Variants in HDGFL2 observed in about 807,000 individuals in gnomAD.
The protein encoded by HDGFL2 is hepatoma-derived growth factor-related protein 2.
Under a neutral mutation model 77.1 loss-of-function variants are expected in HDGFL2, and 36 were observed. That is an observed-to-expected ratio of 0.47 (90% confidence interval 0.36 to 0.62). HDGFL2 has a LOEUF of 0.62. Among genes scored for constraint, HDGFL2 ranks in the 20% least tolerant of loss-of-function variants. HDGFL2 has a pLI of 0.00. For synonymous variants in HDGFL2, 463 were observed against 413.1 expected (o/e 1.12, Z -1.46); for missense variants, 976 against 973.4 (o/e 1.00, Z -0.04).
At chr19:4,491,737 C>CA in intron 5 of HDGFL2, 27 bp from the exon 6 acceptor site, 1 of 1,613,686 alleles carries the variant, frequency 6.2e-7, no homozygotes, top group East Asian at 2.2e-5. Flanking sequence ...CCAGTGGGCC[C>CA]CAGTTCAGCT....
At position 4,472,927 on chromosome 19, in the gene HDGFL2, C is replaced by T. The variant is rs543761434; in HGVS notation, c.72+505C>T. ...GGGGGCCCTGGGCCTCAGGGGGCCG[C>T]GCCTAGGGGTTCTGAGGGTGTCTGC... is the stretch of plus-strand genomic sequence containing the variant. On this transcript the variant is annotated intron_variant, in intron 1 of 15. Transcript: ENST00000616600. Among the ~76,000 whole-genome samples the T allele has an allele frequency of 3.9e-3, 579 of 148,772 alleles. 5 individuals carry two copies. Among genetic ancestry groups the T allele is most frequent in the Middle Eastern group, 7.0e-3 (2 of 284 alleles).
intron 3 of HDGFL2, among the ~76,000 whole-genome samples, chr19:4,483,904 C>T (rs1476648523): frequency 6.6e-6 from 1 of 151,136 alleles, no homozygotes; most frequent in African/African-American, 2.4e-5. Context: ...ATTCTCCTGC[C>T]TCAGCCTCCT....
Position 4,501,195 on chromosome 19 carries a change from C to G in HDGFL2, c.1794C>G (p.Leu598=), listed in dbSNP as rs1305036397. 6.2e-7 allele frequency: 1 copy of G among 1,613,330 alleles called. No individual in the cohort carries two copies. Among genetic ancestry groups the G allele is most frequent in the Non-Finnish European group, 8.5e-7 (1 of 1,179,896 alleles). The change falls in exon 15 of 16, where the codon CTC becomes CTG. Residue 598 remains leucine (L), a synonymous_variant. Coordinates refer to ENST00000616600, the MANE Select transcript of HDGFL2 (RefSeq NM_001001520.3). ...EKAEDKPSTD[L]SAPVNGEATS... is the part of the protein sequence containing the mutation. ...TGACCCCTCTGTCCCACCCAGATCT[C>G]TCAGCCCCAGTGAATGGCGAGGCCA...
intron 10 of HDGFL2, chr19:4,497,647 CT>C: frequency 9.2e-6 from 4 of 435,500 alleles, no homozygotes; most frequent in Admixed American, 4.0e-5. Context: ...CCTTGAGGGC[CT>C]TTTCCTAGCT....
At position 4,499,657 on chromosome 19, in the gene HDGFL2, C is replaced by T; in HGVS notation, c.1742C>T (p.Ala581Val). 1.9e-6 allele frequency: 3 copies of T among 1,578,298 alleles called. No homozygotes were observed. The highest frequency in any genetic ancestry group is 1.1e-5 in the South Asian group (1 of 87,010). The change falls in exon 14 of 16, where the codon GCC (alanine) becomes GTC (valine). Residue 581 changes from alanine (A) to valine (V), a missense_variant. Physicochemically the swap from Ala to Val is moderately conservative, Grantham distance 64 (BLOSUM62 0). Transcript: ENST00000616600. ...AEEKLAGEEL[A>V]GEEAPQEKAE... is the part of the protein sequence containing the mutation. Reference sequence around the variant, plus strand: ...GAGAAGCTGGCCGGGGAGGAGCTGGCCGGGGAGGAGGCCCCCCAGGAGAAG... The same window carrying T: ...GAGAAGCTGGCCGGGGAGGAGCTGGTCGGGGAGGAGGCCCCCCAGGAGAAG...
Position 4,499,687 on chromosome 19 carries a change from A to G in HDGFL2, c.1772A>G (p.Glu591Gly). 6.8e-7 allele frequency: 1 copy of G among 1,465,794 alleles called. No homozygotes were observed. Among genetic ancestry groups the G allele is most frequent in the Non-Finnish European group, 9.2e-7 (1 of 1,081,484 alleles). 90.8% of individuals were successfully genotyped at this position (1,465,794 alleles called of 1,614,324 possible). The change falls in exon 14 of 16, where the codon GAG becomes GGG. Residue 591 changes from glutamate to glycine, a missense_variant. Coordinates refer to ENST00000616600, the MANE Select transcript of HDGFL2 (RefSeq NM_001001520.3). ...GAGGAGGCCCCCCAGGAGAAGGCGGAGGACAAGCCCAGCACCGGTGAGGGG... is the reference window on the plus strand; with the variant it reads ...GAGGAGGCCCCCCAGGAGAAGGCGGGGGACAAGCCCAGCACCGGTGAGGGG... ...AGEEAPQEKA[E>G]DKPSTDLSAP...
At chr19:4,488,552 C>T (rs1473608229) in intron 3 of HDGFL2, 124 bp from the exon 4 acceptor site, 13 of 866,290 alleles carry the variant, frequency 1.5e-5, no homozygotes, top group Non-Finnish European at 1.9e-5. Context: ...TTTGTAAAGC[C>T]AGGAGACAAC....
In HDGFL2 at chr19:4,496,343, G is replaced by A. The variant is rs1488098433; in HGVS notation, c.1266G>A (p.Glu422=). 6.2e-7 allele frequency: 1 copy of A among 1,614,150 alleles called. No individual in the cohort carries two copies. Among genetic ancestry groups the A allele is most frequent in the Admixed American group, 1.7e-5 (1 of 60,026 alleles). The change falls in exon 10 of 16, where the codon GAG becomes GAA. Residue 422 remains glutamate, a synonymous_variant. Transcript: ENST00000616600. ...SAKKPQSSST[E]PARKPGQKEK... Reference sequence around the variant, plus strand: ...AGAAGCCGCAGTCCTCAAGCACAGAGCCCGCCAGGAAACCTGGCCAGAAGG... The same window carrying A: ...AGAAGCCGCAGTCCTCAAGCACAGAACCCGCCAGGAAACCTGGCCAGAAGG...
chr19:4,499,789 T>G (rs931611084), intron 14 of HDGFL2, 85 bp downstream of exon 14: 193 of 1,086,272 alleles, frequency 1.8e-4, no homozygotes, highest in Non-Finnish European at 2.3e-4. Context: ...AGAAGGGGAG[T>G]ACAGCTCTAC....
Position 4,502,022 on chromosome 19 carries a change from C to G in HDGFL2, c.*12C>G. 5 of 1,513,436 alleles carry G rather than the reference C, an allele frequency of 3.3e-6. No individual in the cohort carries two copies. Among genetic ancestry groups the G allele is most frequent in the Non-Finnish European group, 4.4e-6 (5 of 1,134,562 alleles). The allele number at this position is 1,513,436 out of a possible 1,614,324, so 93.8% of individuals were successfully genotyped here. ...ACGAGGAGAGCTGAGCCGCGGGCAG[C>G]CAGGCCCAGCCCCCGCCCGAGCTCA... On this transcript the variant is annotated 3_prime_UTR_variant, in exon 16 of 16. Transcript: ENST00000616600.
rs745799781 is a variant in HDGFL2 at position 4,494,173 on chromosome 19, G to A, written c.922G>A (p.Asp308Asn). ...CGCCCCCTCCGCCTCCAGTGACAGC[G>A]ACGAGGTGGACCGCATCAGTGAGTG... ...PSSSSSDSDSDEVDRISEWKR... is the reference protein window; with the variant it reads ...PSSSSSDSDSNEVDRISEWKR... The change falls in exon 9 of 16, where the codon GAC becomes AAC. Residue 308 changes from aspartate (D) to asparagine (N), a missense_variant. Asp to Asn is a conservative substitution (Grantham distance 23). This residue lies in a region of HDGFL2 where 567 missense variants were observed against 534.7 expected (regional missense o/e 1.06). Coordinates refer to ENST00000616600, the MANE Select transcript of HDGFL2 (RefSeq NM_001001520.3). The A allele has an allele frequency of 2.7e-6, 4 of 1,493,884 alleles. No individual in the cohort carries two copies. In the African/African-American group the frequency reaches 4.3e-5, roughly 16 times the overall value. The allele number at this position is 1,493,884 out of a possible 1,614,324, so 92.5% of individuals were successfully genotyped here.
intron 4 of HDGFL2, among the ~76,000 whole-genome samples, chr19:4,489,544 C>T (rs1185021966): frequency 2.6e-5 from 4 of 152,062 alleles, no homozygotes; most frequent in Non-Finnish European, 4.4e-5. Context: ...GCTGAGATTA[C>T]AGGCATCCAC....
intron 3 of HDGFL2, 68 bp downstream of exon 3, chr19:4,475,651 G>A: frequency 6.6e-7 from 1 of 1,508,974 alleles, no homozygotes; most frequent in Non-Finnish European, 8.8e-7. Context: ...TCCAGTTAGG[G>A]TCTCTCCCCT....
chr19:4,495,600 G>C (rs1004911303), intron 9 of HDGFL2, among the ~76,000 whole-genome samples: 3 of 151,644 alleles, frequency 2.0e-5, no homozygotes, highest in Admixed American at 1.3e-4. Context: ...GGAACGGACA[G>C]AGCAGGCCGG....
intron 11 of HDGFL2, 97 bp downstream of exon 11, chr19:4,498,128 G>C: frequency 1.6e-6 from 2 of 1,271,774 alleles, no homozygotes; most frequent in Admixed American, 2.1e-5. Flanking sequence ...TCCCTAGAGA[G>C]GGTGCTCAGC....
At chr19:4,491,542 G>A in intron 4 of HDGFL2, 24 bp from the exon 5 acceptor site, 1 of 1,603,278 alleles carries the variant, frequency 6.2e-7, no homozygotes, top group Non-Finnish European at 8.5e-7. Flanking sequence ...CCATCACTGA[G>A]CATTCAGGCC....
rs75716273 is a variant in HDGFL2, at chr19:4,498,923, G to A, written c.1575+8G>A. The A allele has an allele frequency of 6.4e-5, 102 of 1,586,472 alleles. No individual in the cohort carries two copies. Among genetic ancestry groups the A allele is most frequent in the East Asian group, 1.1e-4 (5 of 44,114 alleles). On this transcript the variant is annotated splice_region_variant and intron_variant, in intron 13 of 15. Coordinates refer to ENST00000616600, the MANE Select transcript of HDGFL2 (RefSeq NM_001001520.3). ...GTGGCCACCTTGAAGAAGGTATGGC[G>A]GGGGAATCAGAGGCGCAGGGTGCAG... is the stretch of plus-strand genomic sequence containing the variant.
At position 4,472,460 on chromosome 19, in the gene HDGFL2, G is replaced by T. The variant is rs764392402; in HGVS notation, c.72+38G>T. 5.2e-4 allele frequency: 222 copies of T among 428,696 alleles called. 7 individuals are homozygous for T. In the Middle Eastern group the frequency reaches 5.5e-3, roughly 11 times the overall value. The allele number at this position is 428,696 out of a possible 1,614,324, so 26.6% of individuals were successfully genotyped here. The stretch of plus-strand genomic sequence containing the variant: ...GGGAGATGGGGCCGGTGGGGGGGGG[G>T]GGGGGGGCAGCGGGGGCCCCGGGCC... On this transcript the variant is annotated intron_variant, in intron 1 of 15. Coordinates refer to ENST00000616600, the MANE Select transcript of HDGFL2 (RefSeq NM_001001520.3).
At chr19:4,487,874 G>A (rs1442687873) in intron 3 of HDGFL2, among the ~76,000 whole-genome samples, 1 of 151,688 alleles carries the variant, frequency 6.6e-6, no homozygotes, top group Non-Finnish European at 1.5e-5. Context: ...AGAAATAGCA[G>A]TGCCTGGATG....
Sources: allele counts gnomAD v4.1 joint callset (sites outside exome capture counted in the v4.1 genomes callset), GRCh38; gene constraint gnomAD v4.1.1; regional missense constraint gnomAD v4.1.1; transcripts MANE v1.5; gene names NCBI Gene and HGNC (gene_info 2026-07-23, HGNC 2026-07-21).